The following CD226 variants were observed in gnomAD, a reference collection of about 807,000 sequenced individuals.
The protein encoded by CD226 is CD226 antigen.
CD226 carries 24 observed loss-of-function variants against 34.9 expected under a neutral mutation model. The observed-to-expected ratio is 0.69, with a 90% confidence interval of 0.50 to 0.97. CD226 has a LOEUF of 0.97. Among genes scored for constraint, CD226 ranks in the 50% least tolerant of loss-of-function variants. CD226 has a pLI of 0.00. For missense variants in CD226, 397 were observed against 412.7 expected, an observed-to-expected ratio of 0.96 and a Z score of 0.33; for synonymous variants, 148 against 147.4, an observed-to-expected ratio of 1.00 and a Z score of -0.03.
intron 2 of CD226, among the ~76,000 whole-genome samples, chr18:69,910,469 C>T (rs1406121456): frequency 6.6e-6 from 1 of 152,180 alleles, no homozygotes; most frequent in Non-Finnish European, 1.5e-5. Flanking sequence ...AGATGCTCTG[C>T]AGGACACTGG....
At position 69,859,498 on chromosome 18, in the gene CD226, G is replaced by A. The variant is rs1480943605; in HGVS notation, c.*4816C>T. The stretch of plus-strand genomic sequence containing the variant: ...TTTTAATACAAATATTTCTGAAAGA[G>A]ACATGAGAAGAGTATTTTATGTGGT... On this transcript the variant is annotated 3_prime_UTR_variant, in exon 6 of 6. Transcript: ENST00000582621. 1 of 151,882 alleles carries A rather than the reference G, an allele frequency of 6.6e-6. No individual in the cohort carries two copies. The highest frequency in any genetic ancestry group is 2.4e-5 in the African/African-American group (1 of 41,316). The allele number at this position is 151,882 out of a possible 1,614,324, so 9.4% of individuals were successfully genotyped here. A position where few individuals can be genotyped will look rare whatever the true frequency, so the allele number is the denominator to read the frequency against.
At chr18:69,885,714 C>A (rs1037189004) in intron 3 of CD226, among the ~76,000 whole-genome samples, 1 of 152,086 alleles carries the variant, frequency 6.6e-6, no homozygotes, top group African/African-American at 2.4e-5. Flanking sequence ...ACTTCACCAG[C>A]AACCAGCACC....
intron 3 of CD226, among the ~76,000 whole-genome samples, chr18:69,887,024 T>TC (rs1170207732): frequency 1.3e-5 from 2 of 152,240 alleles, no homozygotes; most frequent in African/African-American, 4.8e-5. Context: ...ATAACCCATC[T>TC]CATCTCTCTT....
At chr18:69,927,389 A>AC (rs2055535609) in intron 2 of CD226, among the ~76,000 whole-genome samples, 1 of 65,790 alleles carries the variant, frequency 1.5e-5, no homozygotes, top group African/African-American at 4.5e-5. Context: ...CACACACACA[A>AC]ACACACACAC....
rs2145177685 is a variant in CD226, at chr18:69,867,425, T to G, written c.831-14A>C. 3 of 1,476,930 alleles carry G rather than the reference T, an allele frequency of 2.0e-6. No homozygotes were observed. The South Asian group carries it at 3.4e-5, about 17-fold the overall frequency. The allele number at this position is 1,476,930 out of a possible 1,614,324, so 91.5% of individuals were successfully genotyped here. On this transcript the variant is annotated splice_polypyrimidine_tract_variant and intron_variant, in intron 4 of 5. Coordinates refer to ENST00000582621, the MANE Select transcript of CD226 (RefSeq NM_001303618.2). ...CTCCTTCTCCTTCTGGAATGCATAT[T>G]CAATAAAGGATATAAAGATATGATA...
intron 2 of CD226, among the ~76,000 whole-genome samples, chr18:69,946,180 CAAAAAAAAA>C (rs60750165): frequency 1.5e-5 from 1 of 66,376 alleles, no homozygotes; most frequent in African/African-American, 7.3e-5. Context: ...AAGACTCCAT[CAAAAAAAAA>C]AAAAAAAAAA....
At chr18:69,952,988 A>C (rs2055866537) in intron 1 of CD226, among the ~76,000 whole-genome samples, 1 of 152,236 alleles carries the variant, frequency 6.6e-6, no homozygotes, top group African/African-American at 2.4e-5. Flanking sequence ...CAATAAGGAA[A>C]CACAAATAAG....
At chr18:69,882,810 C>A (rs1984340444) in intron 3 of CD226, among the ~76,000 whole-genome samples, 1 of 152,194 alleles carries the variant, frequency 6.6e-6, no homozygotes. Context: ...ACCACAGGCA[C>A]ATGCCACCAG....
chr18:69,902,682 G>C (rs1386203404), intron 2 of CD226, among the ~76,000 whole-genome samples: 3 of 151,806 alleles, frequency 2.0e-5, no homozygotes, highest in African/African-American at 7.2e-5. Flanking sequence ...CAGATCAAGT[G>C]CAAATCAATA....
intron 2 of CD226, among the ~76,000 whole-genome samples, chr18:69,914,547 T>C (rs1257907464): frequency 2.0e-5 from 3 of 152,214 alleles, no homozygotes; most frequent in Non-Finnish European, 2.9e-5. Context: ...TACAAAAGCA[T>C]TTCTACTGAA....
At chr18:69,944,246 C>A (rs2055762118) in intron 2 of CD226, among the ~76,000 whole-genome samples, 1 of 152,154 alleles carries the variant, frequency 6.6e-6, no homozygotes, top group Non-Finnish European at 1.5e-5. Context: ...ATAATCAAAA[C>A]AAGAGCAATG....
chr18:69,914,650 C>CA (rs1456889780), intron 2 of CD226, among the ~76,000 whole-genome samples: 1 of 152,192 alleles, frequency 6.6e-6, no homozygotes, highest in Non-Finnish European at 1.5e-5. Context: ...CAGTTGCATT[C>CA]AGCTGTCATT....
intron 3 of CD226, among the ~76,000 whole-genome samples, chr18:69,889,832 T>C (rs1984782709): frequency 6.6e-6 from 1 of 152,236 alleles, no homozygotes; most frequent in South Asian, 2.1e-4. Flanking sequence ...AAGATTCTCT[T>C]AGCTGTGGCA....
At chr18:69,918,127 T>A (rs1436835950) in intron 2 of CD226, among the ~76,000 whole-genome samples, 1 of 152,170 alleles carries the variant, frequency 6.6e-6, no homozygotes, top group Non-Finnish European at 1.5e-5. Context: ...TATTGTAAAA[T>A]ATGTGTGAGG....
rs3737395 is a variant in CD226 at position 69,867,474 on chromosome 18, A to G, written c.831-63T>C. On this transcript the variant is annotated intron_variant, in intron 4 of 5. Coordinates refer to ENST00000582621, the MANE Select transcript of CD226 (RefSeq NM_001303618.2). ...TATTCCAGTACTAATATTATTTCGAAGACTCTATACCTCACTGTACCCCTA... is the reference window on the plus strand; with the variant it reads ...TATTCCAGTACTAATATTATTTCGAGGACTCTATACCTCACTGTACCCCTA... 12,311 of 1,062,186 alleles carry G rather than the reference A, an allele frequency of 0.012. 812 individuals are homozygous for G. In the East Asian group the frequency reaches 0.16, roughly 14 times the overall value. The allele number at this position is 1,062,186 out of a possible 1,614,324, so 65.8% of individuals were successfully genotyped here.
At chr18:69,947,159 G>C in intron 1 of CD226, 90 bp from the exon 2 acceptor site, 1 of 1,125,960 alleles carries the variant, frequency 8.9e-7, no homozygotes, top group Non-Finnish European at 1.3e-6. Context: ...AGTGCATTGA[G>C]ATCACAGTAA....
In CD226 at chr18:69,880,633, G is replaced by T. The variant is rs149107736; in HGVS notation, c.728-7387C>A. 9.2e-3 allele frequency among the ~76,000 whole-genome samples: 1,387 copies of T among 150,120 alleles called. 16 individuals carry two copies. Among genetic ancestry groups the T allele is most frequent in the African/African-American group, 0.032 (1,301 of 40,710 alleles). The stretch of plus-strand genomic sequence containing the variant: ...GAGTACAAAATTTCAGATACACGAG[G>T]GGAATAAGTCTTAAGATTTCTTTTT... On this transcript the variant is annotated intron_variant, in intron 3 of 5. Transcript: ENST00000582621.
At chr18:69,948,725 C>T (rs8098352), upstream of CD226, among the ~76,000 whole-genome samples, 139,361 of 152,266 alleles carry the variant, frequency 0.92, 64,695 homozygotes, top group East Asian at 1. Flanking sequence ...TCAAAAGAGG[C>T]ATCTGTTATC....
upstream of CD226, chr18:69,957,281 TTTTAAGTCAAGAG>T (rs539940352): frequency 1.4e-3 from 209 of 152,346 alleles, 1 homozygote; most frequent in African/African-American, 4.8e-3. Flanking sequence ...TCAGCCCTCT[TTTTAAGTCAAGAG>T]GCTTCCTTAT....
Sources: gnomAD v4.1 joint callset for allele counts (sites outside exome capture counted in the v4.1 genomes callset) on GRCh38, gnomAD v4.1.1 for gene constraint, MANE v1.5 for transcripts, NCBI Gene and HGNC (gene_info 2026-07-23, HGNC 2026-07-21) for gene names.